SATL1: variants seen among roughly 807,000 people sequenced by gnomAD.
SATL1 encodes spermidine/spermine N(1)-acetyltransferase-like protein 1.
SATL1 carries 47 observed loss-of-function variants against 51.8 expected under a neutral mutation model. The ratio of observed to expected loss-of-function variants is 0.91; its 90% confidence interval spans 0.72 to 1.16. SATL1 has a LOEUF of 1.16. SATL1 is among the 50% of genes most tolerant of loss of function. The pLI is 0.00. For synonymous variants in SATL1, 176 were observed against 182.4 expected (o/e 0.97, Z 0.28); for missense variants, 520 against 526.4 (o/e 0.99, Z 0.12).
At chrX:85,180,799 A>C (rs1165649372) in intron 2 of SATL1, among the ~76,000 whole-genome samples, 1 of 110,857 alleles carries the variant, frequency 9.0e-6, no homozygotes. Flanking sequence ...TCCTGATTCA[A>C]TTTTCTCCAT....
chrX:85,159,809 C>T (rs892830731), intron 2 of SATL1, among the ~76,000 whole-genome samples: 13 of 110,926 alleles, frequency 1.2e-4, no homozygotes, highest in Admixed American at 2.9e-4. Context: ...CTGCTAGCAT[C>T]CTGCTGTAGC....
intron 2 of SATL1, among the ~76,000 whole-genome samples, chrX:85,109,602 C>T (rs759340727): frequency 8.9e-6 from 1 of 111,760 alleles, no homozygotes; most frequent in South Asian, 3.8e-4. Context: ...CCCTTCATCC[C>T]ATTATTCAAA....
rs1273279787 is a variant in SATL1 at position 85,107,432 on chromosome X, G to T, written c.1537C>A (p.Gln513Lys). The T allele has an allele frequency of 2.6e-5, 31 of 1,211,123 alleles. No homozygotes were observed. Among genetic ancestry groups the T allele is most frequent in the Non-Finnish European group, 3.5e-5 (31 of 895,296 alleles). The change falls in exon 3 of 8, where the codon CAA becomes AAA. Residue 513 changes from glutamine to lysine, a missense_variant. This residue lies in a region of SATL1 where 488 missense variants were observed against 474.3 expected (regional missense o/e 1.03). Transcript: ENST00000644105. ...ATGCCCATTTGGCTCACACTTGGTTGGCTCCTGCCTGGTTGACTCAGGCCT... is the reference window on the plus strand; with the variant it reads ...ATGCCCATTTGGCTCACACTTGGTTTGCTCCTGCCTGGTTGACTCAGGCCT... ...QPGLSQPGRS[Q>K]PSVSQMGMRQ...
At chrX:85,095,937 C>G (rs1351995030) in intron 4 of SATL1, among the ~76,000 whole-genome samples, 2 of 100,405 alleles carry the variant, frequency 2.0e-5, no homozygotes, top group African/African-American at 7.3e-5. Flanking sequence ...TGCTTTAAAA[C>G]AAACTCCCAT....
chrX:85,141,857 C>T (rs1926115766), intron 2 of SATL1, among the ~76,000 whole-genome samples: 1 of 108,203 alleles, frequency 9.2e-6, no homozygotes, highest in African/African-American at 3.4e-5. Context: ...TTATTTCTTA[C>T]TAAAAACTCA....
chrX:85,149,995 A>G (rs1223801768), intron 2 of SATL1, among the ~76,000 whole-genome samples: 3 of 111,867 alleles, frequency 2.7e-5, no homozygotes, highest in African/African-American at 6.5e-5. Context: ...AGAAATACAA[A>G]AAACCCTTCA....
chrX:85,190,883 C>T (rs765211963), intron 2 of SATL1, among the ~76,000 whole-genome samples: 1 of 106,359 alleles, frequency 9.4e-6, no homozygotes, highest in East Asian at 3.0e-4. Context: ...AACCAAACAC[C>T]GCATGCTCTC....
At chrX:85,185,768 G>A (rs1471319592) in intron 2 of SATL1, among the ~76,000 whole-genome samples, 3 of 110,766 alleles carry the variant, frequency 2.7e-5, no homozygotes, top group Non-Finnish European at 5.7e-5. Context: ...ATTCTATCCA[G>A]GAGCCAAGGT....
intron 2 of SATL1, among the ~76,000 whole-genome samples, chrX:85,172,577 T>C (rs1926995599): frequency 9.0e-6 from 1 of 111,445 alleles, no homozygotes; most frequent in Admixed American, 9.6e-5. Context: ...CATCTTTCCT[T>C]CTGTTCTCTA....
intron 4 of SATL1, among the ~76,000 whole-genome samples, chrX:85,102,968 G>A (rs1217082343): frequency 9.0e-6 from 1 of 111,402 alleles, no homozygotes; most frequent in African/African-American, 3.3e-5. Context: ...TGCTCATTTT[G>A]TTATGCTGTT....
At chrX:85,215,578 A>G (rs1334649388) in intron 2 of SATL1, among the ~76,000 whole-genome samples, 1 of 112,028 alleles carries the variant, frequency 8.9e-6, no homozygotes, top group Non-Finnish European at 1.9e-5. Context: ...ATGCCTTGCT[A>G]CTTAGAAATT....
intron 2 of SATL1, among the ~76,000 whole-genome samples, chrX:85,132,595 C>A (rs1045393044): frequency 9.0e-6 from 1 of 111,662 alleles, no homozygotes; most frequent in Non-Finnish European, 1.9e-5. Flanking sequence ...TGGTTTCAAA[C>A]GTCCTCCTTT....
intron 4 of SATL1, among the ~76,000 whole-genome samples, chrX:85,095,658 C>G (rs1459034168): frequency 9.5e-6 from 1 of 105,001 alleles, no homozygotes. Context: ...AACCCCGTCT[C>G]TACTAAAAAT....
intron 6 of SATL1, 143 bp downstream of exon 6, chrX:85,093,985 A>G: frequency 2.6e-6 from 1 of 387,475 alleles, no homozygotes. Flanking sequence ...GATCAAACTC[A>G]TTAGGATAGT....
intron 2 of SATL1, among the ~76,000 whole-genome samples, chrX:85,132,009 G>A (rs960263463): frequency 9.0e-6 from 1 of 111,362 alleles, no homozygotes; most frequent in East Asian, 2.8e-4. Flanking sequence ...GGTTTCTACC[G>A]AGAGATCTGC....
chrX:85,184,137 T>C (rs1052346088), intron 2 of SATL1, among the ~76,000 whole-genome samples: 3 of 111,935 alleles, frequency 2.7e-5, no homozygotes, highest in African/African-American at 6.5e-5. Flanking sequence ...TATGGCTGAA[T>C]AGTTTTCCAT....
Position 85,202,958 on chromosome X carries a change from T to C in SATL1, c.-313+21247A>G, listed in dbSNP as rs779402582. ...GTCCAGAGAGTTACTGATTTGGTAC[T>C]GGCTCAGTAGCTCTGGTGGGGGGTG... is the stretch of plus-strand genomic sequence containing the variant. On this transcript the variant is annotated intron_variant, in intron 2 of 7. Coordinates refer to ENST00000644105, the MANE Select transcript of SATL1 (RefSeq NM_001367857.2). Among the ~76,000 whole-genome samples the C allele has an allele frequency of 4.5e-5, 5 of 112,068 alleles. 1 individual carries two copies. The highest frequency in any genetic ancestry group is 6.5e-5 in the African/African-American group (2 of 30,817).
At chrX:85,199,193 G>A (rs770445245) in intron 2 of SATL1, among the ~76,000 whole-genome samples, 33 of 110,984 alleles carry the variant, frequency 3.0e-4, no homozygotes, top group African/African-American at 1.0e-3. Flanking sequence ...ACCCTTAGCA[G>A]TGTCTTGTAA....
chrX:85,152,157 G>T, intron 2 of SATL1, among the ~76,000 whole-genome samples: 1 of 111,636 alleles, frequency 9.0e-6, no homozygotes, highest in Admixed American at 9.5e-5. Context: ...GTGGGCGAAG[G>T]ATATGAACAG....
Sources: gnomAD v4.1 joint callset for allele counts (sites outside exome capture counted in the v4.1 genomes callset) on GRCh38, gnomAD v4.1.1 for gene constraint, gnomAD v4.1.1 regional missense constraint, MANE v1.5 for transcripts, NCBI Gene and HGNC (gene_info 2026-07-23, HGNC 2026-07-21) for gene names.